Variants in APPL1 observed in about 807,000 individuals in gnomAD.
The protein encoded by APPL1 is DCC-interacting protein 13-alpha.
Under a neutral mutation model 106.8 loss-of-function variants are expected in APPL1, and 42 were observed. That is an observed-to-expected ratio of 0.39 (90% CI 0.31 to 0.51). The LOEUF is 0.51. Among genes scored for constraint, APPL1 ranks in the 20% least tolerant of loss-of-function variants. The pLI, the probability that APPL1 is intolerant of heterozygous loss-of-function variation, is 0.75. For missense variants in APPL1, 769 were observed against 858.2 expected (o/e 0.90, Z 1.30); for synonymous variants, 263 against 281.8 (o/e 0.93, Z 0.67).
intron 8 of APPL1, among the ~76,000 whole-genome samples, chr3:57,247,007 AT>A: frequency 6.6e-6 from 1 of 151,852 alleles, no homozygotes; most frequent in East Asian, 1.9e-4. Flanking sequence ...AAAAAAAAAA[AT>A]TGAATCTATT....
At chr3:57,247,306 G>A (rs2060779185) in intron 8 of APPL1, 89 bp from the exon 9 acceptor site, 2 of 690,760 alleles carry the variant, frequency 2.9e-6, no homozygotes, top group African/African-American at 1.8e-5. Context: ...ACTTAACCAT[G>A]TGTCTTAGAG....
At chr3:57,238,245 G>A in intron 4 of APPL1, 129 bp downstream of exon 4, 2 of 607,542 alleles carry the variant, frequency 3.3e-6, no homozygotes, top group Non-Finnish European at 5.5e-6. Context: ...TCCACATCCT[G>A]GTGGCTGGCT....
chr3:57,241,632 A>G (rs924500381), intron 5 of APPL1, among the ~76,000 whole-genome samples: 2 of 152,226 alleles, frequency 1.3e-5, no homozygotes, highest in Non-Finnish European at 2.9e-5. Context: ...AATGTATTTT[A>G]AAGATGGAGT....
At chr3:57,232,817 A>T (rs1335660864) in intron 1 of APPL1, among the ~76,000 whole-genome samples, 1 of 152,120 alleles carries the variant, frequency 6.6e-6, no homozygotes, top group Non-Finnish European at 1.5e-5. Flanking sequence ...CCTGGCTAAC[A>T]CGATGAAACC....
At chr3:57,242,005 T>C (rs1469895233) in intron 5 of APPL1, 96 bp from the exon 6 acceptor site, 2 of 861,162 alleles carry the variant, frequency 2.3e-6, no homozygotes, top group Non-Finnish European at 3.6e-6. Flanking sequence ...AAATATTATT[T>C]TGAGTTTTAA....
intron 8 of APPL1, among the ~76,000 whole-genome samples, chr3:57,246,749 A>G (rs1449620558): frequency 6.6e-6 from 1 of 152,116 alleles, no homozygotes; most frequent in African/African-American, 2.4e-5. Flanking sequence ...TATGCCTATA[A>G]TCGAGCACTT....
chr3:57,252,329 T>C lies in APPL1; in HGVS notation c.1095+18T>C. On this transcript the variant is annotated intron_variant, in intron 12 of 21. Transcript: ENST00000288266. ...ATGAAGAGGTAAGATTTTACCTAGTTCATTTCTTCATTGACATTTTAAAAT... is the reference window on the plus strand; with the variant it reads ...ATGAAGAGGTAAGATTTTACCTAGTCCATTTCTTCATTGACATTTTAAAAT... 1 of 1,539,734 alleles carries C rather than the reference T, an allele frequency of 6.5e-7. No individual in the cohort carries two copies. Among genetic ancestry groups the C allele is most frequent in the Non-Finnish European group, 8.9e-7 (1 of 1,123,032 alleles).
At chr3:57,239,070 A>G (rs563768093) in intron 4 of APPL1, among the ~76,000 whole-genome samples, 11 of 152,364 alleles carry the variant, frequency 7.2e-5, no homozygotes, top group African/African-American at 2.6e-4. Flanking sequence ...ACATGGCGGC[A>G]GATGAGAGAG....
chr3:57,236,010 T>C (rs1302192101), intron 2 of APPL1, among the ~76,000 whole-genome samples: 4 of 151,836 alleles, frequency 2.6e-5, no homozygotes, highest in Non-Finnish European at 4.4e-5. Flanking sequence ...TAATCATGCT[T>C]ATTACAATCT....
In APPL1 at chr3:57,237,946, G is replaced by T. The variant is rs1326014146; in HGVS notation, c.214-99G>T. On this transcript the variant is annotated intron_variant, in intron 3 of 21. Transcript: ENST00000288266. ...TATTTTAGAGCTTTTTCAAAATTTTGGAAGTTTTCTGAAGTTATTTAAAAA... is the reference window on the plus strand; with the variant it reads ...TATTTTAGAGCTTTTTCAAAATTTTTGAAGTTTTCTGAAGTTATTTAAAAA... 5.7e-6 allele frequency: 5 copies of T among 873,352 alleles called. No individual in the cohort carries two copies. In the Admixed American group the frequency reaches 1.3e-4, roughly 23 times the overall value. The allele number at this position is 873,352 out of a possible 1,614,324, so 54.1% of individuals were successfully genotyped here.
chr3:57,247,299 T>C, intron 8 of APPL1, 96 bp from the exon 9 acceptor site: 1 of 669,078 alleles, frequency 1.5e-6, no homozygotes. Flanking sequence ...GTTTTTTACT[T>C]AACCATGTGT....
intron 19 of APPL1, among the ~76,000 whole-genome samples, chr3:57,265,667 C>T (rs2107611612): frequency 6.6e-6 from 1 of 151,920 alleles, no homozygotes; most frequent in East Asian, 1.9e-4. Context: ...CTAGGTTTTT[C>T]TAAATATAAG....
At chr3:57,235,923 AC>A (rs1393589936) in intron 2 of APPL1, among the ~76,000 whole-genome samples, 1 of 150,846 alleles carries the variant, frequency 6.6e-6, no homozygotes, top group East Asian at 1.9e-4. Flanking sequence ...TTTGGGGGGA[AC>A]CCCCCATTAA....
intron 5 of APPL1, among the ~76,000 whole-genome samples, chr3:57,241,472 T>A (rs1345746749): frequency 6.6e-6 from 1 of 152,198 alleles, no homozygotes; most frequent in African/African-American, 2.4e-5. Flanking sequence ...GTAGAGAGAT[T>A]AAAAATATTG....
intron 1 of APPL1, among the ~76,000 whole-genome samples, chr3:57,229,604 G>A (rs187713208): frequency 8.6e-5 from 13 of 150,936 alleles, no homozygotes; most frequent in African/African-American, 2.9e-4. Context: ...AGACACTATC[G>A]TAGTGCACTG....
rs539888502 is a variant in APPL1 at position 57,272,513 on chromosome 3, A to G, written c.*2826A>G. On this transcript the variant is annotated 3_prime_UTR_variant, in exon 22 of 22. Coordinates refer to ENST00000288266, the MANE Select transcript of APPL1 (RefSeq NM_012096.3). Reference sequence around the variant, plus strand: ...AGTTAATTTTGCATTATATCTAGGAACCATATTATTTAAAATTTGAATCCT... The same window carrying G: ...AGTTAATTTTGCATTATATCTAGGAGCCATATTATTTAAAATTTGAATCCT... The G allele has an allele frequency of 3.9e-5, 6 of 152,316 alleles. No individual in the cohort carries two copies. Among genetic ancestry groups the G allele is most frequent in the African/African-American group, 1.4e-4 (6 of 41,560 alleles). 9.4% of individuals were successfully genotyped at this position (152,316 alleles called of 1,614,324 possible).
rs181260611 is a variant in APPL1 at position 57,262,479 on chromosome 3, A to T, written c.1842+1705A>T. Among the ~76,000 whole-genome samples the T allele has an allele frequency of 4.5e-3, 387 of 86,022 alleles. 2 individuals are homozygous for T. Among genetic ancestry groups the T allele is most frequent in the African/African-American group, 0.019 (363 of 18,998 alleles). 56.4% of individuals were successfully genotyped at this position (86,022 alleles called of 152,430 possible). A position where few individuals can be genotyped will look rare whatever the true frequency, so the allele number is the denominator to read the frequency against. ...ACAATCTTGGCTCACCGTAACCTCC[A>T]CCTCCTGGATTAAAGTGATTTTCCT... On this transcript the variant is annotated intron_variant, in intron 19 of 21. Transcript: ENST00000288266.
chr3:57,252,546 T>G (rs563070468), intron 12 of APPL1, among the ~76,000 whole-genome samples: 12 of 152,306 alleles, frequency 7.9e-5, no homozygotes, highest in African/African-American at 2.9e-4. Flanking sequence ...TTTTAAAGGC[T>G]CAGATTGAGA....
intron 7 of APPL1, among the ~76,000 whole-genome samples, chr3:57,245,547 A>ATTTTTTTTTTTTT (rs749542390): frequency 7.0e-6 from 1 of 143,782 alleles, no homozygotes. Flanking sequence ...TTCAATATGC[A>ATTTTTTTTTTTTT]GTTTTTTTTT....
Sources: gnomAD v4.1 joint callset for allele counts (sites outside exome capture counted in the v4.1 genomes callset) on GRCh38, gnomAD v4.1.1 for gene constraint, MANE v1.5 for transcripts, NCBI Gene and HGNC (gene_info 2026-07-23, HGNC 2026-07-21) for gene names.